The following RFC3 variants were observed in gnomAD, a reference collection of about 807,000 sequenced individuals.
RFC3 encodes replication factor C subunit 3, also known as A1 38 kDa subunit.
RFC3 carries 41 observed loss-of-function variants against 45.1 expected under a neutral mutation model. That is an observed-to-expected ratio of 0.91 (90% CI 0.71 to 1.18). The LOEUF is 1.18. RFC3 is among the 50% of genes most tolerant of loss of function. RFC3 has a pLI of 0.00. For missense variants in RFC3, 423 were observed against 428.1 expected (o/e 0.99, Z 0.10); for synonymous variants, 149 against 144.0 (o/e 1.03, Z -0.25).
chr13:33,933,013 T>C (rs918256597), intron 8 of RFC3, among the ~76,000 whole-genome samples: 1 of 152,164 alleles, frequency 6.6e-6, no homozygotes, highest in Non-Finnish European at 1.5e-5. Flanking sequence ...GAACACCTAA[T>C]AAATACAATT....
downstream of RFC3, among the ~76,000 whole-genome samples, chr13:33,838,705 A>G (rs2082175913): frequency 1.3e-5 from 2 of 152,020 alleles, no homozygotes; most frequent in South Asian, 4.1e-4. Context: ...GCTTTGAAGT[A>G]TTTGTTAAAC....
intron 8 of RFC3, among the ~76,000 whole-genome samples, chr13:33,842,988 CA>C (rs1844918751): frequency 6.6e-6 from 1 of 152,140 alleles, no homozygotes; most frequent in African/African-American, 2.4e-5. Flanking sequence ...TGCTGTTTTA[CA>C]CTCTGAGATT....
chr13:33,830,160 C>A, intron 5 of RFC3, 143 bp downstream of exon 5: 2 of 675,348 alleles, frequency 3.0e-6, no homozygotes, highest in Non-Finnish European at 2.5e-6. Context: ...GTGAACAAAC[C>A]AAAGCGTATA....
chr13:33,847,815 T>C (rs2082249115), intron 8 of RFC3: 1 of 152,242 alleles, frequency 6.6e-6, no homozygotes, highest in African/African-American at 2.4e-5. Context: ...TCCAGTGAAC[T>C]TTTAATTGAC....
chr13:33,822,589 A>G (rs113580735), intron 2 of RFC3, among the ~76,000 whole-genome samples: 46 of 152,324 alleles, frequency 3.0e-4, no homozygotes, highest in African/African-American at 1.1e-3. Flanking sequence ...GAGCTTAGAA[A>G]TGTGATAGAG....
intron 8 of RFC3, among the ~76,000 whole-genome samples, chr13:33,862,131 A>C (rs994364120): frequency 3.3e-5 from 5 of 152,150 alleles, no homozygotes; most frequent in African/African-American, 7.2e-5. Flanking sequence ...TTAATCAAAA[A>C]TGTTTTCCCT....
chr13:33,950,481 C>T (rs1179126039), intron 8 of RFC3, among the ~76,000 whole-genome samples: 1 of 152,302 alleles, frequency 6.6e-6, no homozygotes, highest in East Asian at 1.9e-4. Flanking sequence ...CTCTAGGGGT[C>T]TGCAAACCAT....
intron 8 of RFC3, among the ~76,000 whole-genome samples, chr13:33,891,751 A>G (rs2082564694): frequency 6.6e-6 from 1 of 152,218 alleles, no homozygotes; most frequent in Non-Finnish European, 1.5e-5. Flanking sequence ...CTCTACTTCT[A>G]CAATGTCAAA....
intron 8 of RFC3, among the ~76,000 whole-genome samples, chr13:33,915,535 C>T (rs894216220): frequency 6.6e-6 from 1 of 152,000 alleles, no homozygotes; most frequent in Non-Finnish European, 1.5e-5. Flanking sequence ...TGCTGCCGTC[C>T]TTGGGGGTAG....
chr13:33,925,131 T>C (rs113282662), intron 8 of RFC3, among the ~76,000 whole-genome samples: 37,336 of 143,606 alleles, frequency 0.26, 5,678 homozygotes, highest in East Asian at 0.43. Flanking sequence ...CATATATACA[T>C]GCATATATAG....
intron 8 of RFC3, among the ~76,000 whole-genome samples, chr13:33,904,371 C>T (rs1262163097): frequency 6.6e-6 from 1 of 151,994 alleles, no homozygotes; most frequent in Non-Finnish European, 1.5e-5. Context: ...TTCTTATGAG[C>T]ATCTTTCTTT....
intron 8 of RFC3, chr13:33,849,442 C>T (rs2082262092): frequency 6.6e-6 from 1 of 152,150 alleles, no homozygotes; most frequent in Non-Finnish European, 1.5e-5. Context: ...ACACTCTCAC[C>T]ATGGCCAATT....
intron 8 of RFC3, among the ~76,000 whole-genome samples, chr13:33,872,411 A>C (rs1593654879): frequency 6.6e-6 from 1 of 152,206 alleles, no homozygotes; most frequent in Non-Finnish European, 1.5e-5. Flanking sequence ...CAGTCTCCAA[A>C]TATTCTGAAC....
chr13:33,880,356 T>C (rs2082474924), intron 8 of RFC3, among the ~76,000 whole-genome samples: 1 of 152,130 alleles, frequency 6.6e-6, no homozygotes, highest in Admixed American at 6.5e-5. Context: ...AGGTGCCCAT[T>C]GAGAAATAGA....
At chr13:33,837,626 T>G (rs2082167640), downstream of RFC3, 1 of 152,138 alleles carries the variant, frequency 6.6e-6, no homozygotes, top group Admixed American at 6.6e-5. Flanking sequence ...TAAAGTTATA[T>G]TACTTTACAC....
At chr13:33,905,817 A>G (rs2082668916) in intron 8 of RFC3, among the ~76,000 whole-genome samples, 3 of 152,088 alleles carry the variant, frequency 2.0e-5, no homozygotes, top group Non-Finnish European at 4.4e-5. Context: ...AACAAAACAA[A>G]CAAACCAAGA....
chr13:33,899,572 A>G (rs564487455), intron 8 of RFC3, among the ~76,000 whole-genome samples: 1 of 152,052 alleles, frequency 6.6e-6, no homozygotes, highest in South Asian at 2.1e-4. Flanking sequence ...CACAGATAAC[A>G]TTTTACTGAA....
At chr13:33,962,560 A>G (rs2083063793) in intron 8 of RFC3, among the ~76,000 whole-genome samples, 2 of 152,222 alleles carry the variant, frequency 1.3e-5, no homozygotes, top group Non-Finnish European at 2.9e-5. Context: ...TAAGGAACCA[A>G]TCAGAGGCCA....
At position 33,818,196 on chromosome 13, in the gene RFC3, C is replaced by T. The variant is rs369722964; in HGVS notation, c.18C>T (p.Asp6=). 3.1e-5 allele frequency: 50 copies of T among 1,613,490 alleles called. No individual in the cohort carries two copies. The Middle Eastern group carries it at 9.9e-4, about 32-fold the overall frequency. Residue 6 remains aspartate (D), a synonymous_variant, in exon 1 of 9, where the codon GAC becomes GAT. Coordinates refer to ENST00000380071, the MANE Select transcript of RFC3 (RefSeq NM_002915.4). MSLWV[D]KYRPCSLGRL... ...GAGCTGCCATGAGCCTCTGGGTGGA[C>T]AAGTATCGGCCCTGCTCCTTGGGAC...
Sources: gnomAD v4.1 joint callset for allele counts (sites outside exome capture counted in the v4.1 genomes callset) on GRCh38, gnomAD v4.1.1 for gene constraint, MANE v1.5 for transcripts, NCBI Gene and HGNC (gene_info 2026-07-23, HGNC 2026-07-21) for gene names.